Variants in CARMIL3 observed in about 807,000 individuals in gnomAD.
CARMIL3 encodes the protein capping protein, Arp2/3 and myosin-I linker protein 3.
Under a neutral mutation model 180.8 loss-of-function variants are expected in CARMIL3, and 88 were observed. The ratio of observed to expected loss-of-function variants is 0.49; its 90% CI spans 0.41 to 0.58. The LOEUF is 0.58. Ranked by LOEUF, CARMIL3 falls within the 20% of genes least tolerant of loss-of-function variation. The probability of loss-of-function intolerance (pLI) is 0.00; values close to 1 mark genes in which losing one functional copy is unlikely to be tolerated. For missense variants in CARMIL3, 1,548 were observed against 1,787.0 expected (o/e 0.87, Z 2.41); for synonymous variants, 696 against 714.5 (o/e 0.97, Z 0.41).
rs1375633918 is a variant in CARMIL3 at position 24,056,664 on chromosome 14, G to A, written c.908G>A (p.Gly303Asp). The A allele has an allele frequency of 1.9e-6, 3 of 1,613,576 alleles. No individual in the cohort carries two copies. The highest frequency in any genetic ancestry group is 2.2e-5 in the East Asian group (1 of 44,894). Residue 303 changes from glycine to aspartate, a missense_variant, in exon 12 of 40, where the codon GGC becomes GAC. This residue lies in a region of CARMIL3 where 578 missense variants were observed against 666.5 expected (regional missense o/e 0.87). Transcript: ENST00000342740. ...LSQQLLCFPS[G>D]LTKLCLAKTA... ...CAGCAGCTCCTCTGCTTCCCCTCTG[G>A]CCTCACCAAACTGTGCCTGGCCAAG...
intron 38 of CARMIL3, 76 bp from the exon 39 acceptor site, chr14:24,069,061 C>T: frequency 1.3e-6 from 2 of 1,595,534 alleles, no homozygotes; most frequent in Non-Finnish European, 1.7e-6. Context: ...GAGTGACAAC[C>T]AGGAGTCACA....
In CARMIL3 at chr14:24,054,616, C is replaced by T; in HGVS notation, c.363-95C>T. On this transcript the variant is annotated intron_variant, in intron 5 of 39. Transcript: ENST00000342740. The surrounding 1 kb of genome is among the most constrained non-coding windows in gnomAD (Gnocchi z 5.1). Reference sequence around the variant, plus strand: ...CTGAGAAGGAGAGCTCTCATGTCCCCACTCCTGGTTTTTCCTGGGATGCAG... The same window carrying T: ...CTGAGAAGGAGAGCTCTCATGTCCCTACTCCTGGTTTTTCCTGGGATGCAG... 1.3e-6 allele frequency: 2 copies of T among 1,494,958 alleles called. No homozygotes were observed. The highest frequency in any genetic ancestry group is 1.8e-6 in the Non-Finnish European group (2 of 1,090,564). 92.6% of individuals were successfully genotyped at this position (1,494,958 alleles called of 1,614,324 possible).
chr14:24,057,660 T>G, intron 14 of CARMIL3, 143 bp from the exon 15 acceptor site: 1 of 691,784 alleles, frequency 1.4e-6, no homozygotes, highest in Non-Finnish European at 2.5e-6. Flanking sequence ...AGAATCTGAG[T>G]GGGCATCTCC....
At chr14:24,062,439 T>C in intron 27 of CARMIL3, 41 bp from the exon 28 acceptor site, 1 of 1,560,686 alleles carries the variant, frequency 6.4e-7, no homozygotes, top group South Asian at 1.1e-5. Context: ...TGCGGGGGAC[T>C]GAGGTGCTAA....
chr14:24,062,279 CTG>C, intron 27 of CARMIL3, 199 bp from the exon 28 acceptor site: 1 of 608,922 alleles, frequency 1.6e-6, no homozygotes. Context: ...GCTGGGGGCT[CTG>C]GGGTGGGACT....
chr14:24,056,815 G>A, intron 12 of CARMIL3, 100 bp from the exon 13 acceptor site: 2 of 1,515,590 alleles, frequency 1.3e-6, no homozygotes, highest in African/African-American at 1.4e-5. Context: ...AGGGATGGAA[G>A]AGTGAAAAGG....
intron 32 of CARMIL3, 90 bp from the exon 33 acceptor site, chr14:24,064,868 G>A: frequency 7.4e-7 from 1 of 1,342,922 alleles, no homozygotes; most frequent in African/African-American, 1.5e-5. Context: ...GTGCAGCAGG[G>A]GAGACCAGAT....
Position 24,069,568 on chromosome 14 carries a change from G to GCCTCCGTCTCT in CARMIL3, c.*166_*167insTCCGTCTCTCC. The GCCTCCGTCTCT allele has an allele frequency of 2.5e-6, 2 of 806,114 alleles. No individual in the cohort carries two copies. The highest frequency in any genetic ancestry group is 3.9e-6 in the Non-Finnish European group (2 of 517,878). 49.9% of individuals were successfully genotyped at this position (806,114 alleles called of 1,614,324 possible). ...GGAGGCAGGGACTAGAACAGAGGGA[G>GCCTCCGTCTCT]CCACCTGGAGAGACGGAGGCTGTCA... On this transcript the variant is annotated 3_prime_UTR_variant, in exon 40 of 40. Transcript: ENST00000342740.
In CARMIL3 at chr14:24,065,517, G is replaced by C. The variant is rs563770306; in HGVS notation, c.3397-105G>C. 2.7e-6 allele frequency: 4 copies of C among 1,483,316 alleles called. No individual in the cohort carries two copies. In the African/African-American group the frequency reaches 5.6e-5, roughly 21 times the overall value. The allele number at this position is 1,483,316 out of a possible 1,614,324, so 91.9% of individuals were successfully genotyped here. ...CAGAGGGTCTCTGCAGGGCTTCCCC[G>C]TGGCTAGGGACTCAGTGAGGCAGGG... is the stretch of plus-strand genomic sequence containing the variant. On this transcript the variant is annotated intron_variant, in intron 33 of 39. Transcript: ENST00000342740.
rs12884350 is a variant in CARMIL3 at position 24,058,008 on chromosome 14, C to T, written c.1266C>T (p.Ala422=). Residue 422 remains alanine (A), a synonymous_variant, in exon 16 of 40, where the codon GCC becomes GCT. Transcript: ENST00000342740. This position sits in a 1 kb window ranked among gnomAD's most constrained non-coding sequence, Gnocchi z 6.4. ...CCTTCAAGCAGTTCTTCAGCAGCGC[C>T]TACACACTGAGCCACGTCAATCTGT... The part of the protein sequence containing the change: ...PPAFKQFFSS[A]YTLSHVNLSA... 10 of 1,613,856 alleles carry T rather than the reference C, an allele frequency of 6.2e-6. No homozygotes were observed. The highest frequency in any genetic ancestry group is 8.5e-6 in the Non-Finnish European group (10 of 1,180,010).
chr14:24,058,235 A>G lies in CARMIL3; in HGVS notation c.1392+11A>G. On this transcript the variant is annotated intron_variant, in intron 17 of 39. Coordinates refer to ENST00000342740, the MANE Select transcript of CARMIL3 (RefSeq NM_138360.4). This position sits in a 1 kb window ranked among gnomAD's most constrained non-coding sequence, Gnocchi z 6.4. Reference sequence around the variant, plus strand: ...CTCAGCAGCTGCGAGGTGAGCCCTCAGTCCCCAACCCCTCTGCCCGCCTCC... The same window carrying G: ...CTCAGCAGCTGCGAGGTGAGCCCTCGGTCCCCAACCCCTCTGCCCGCCTCC... 1 of 1,612,220 alleles carries G rather than the reference A, an allele frequency of 6.2e-7. No individual in the cohort carries two copies. Among genetic ancestry groups the G allele is most frequent in the South Asian group, 1.1e-5 (1 of 90,714 alleles).
In CARMIL3 at chr14:24,068,810, T is replaced by C. The variant is rs917082484; in HGVS notation, c.3826T>C (p.Trp1276Arg). The C allele has an allele frequency of 6.2e-7, 1 of 1,613,826 alleles. No individual in the cohort carries two copies. Among genetic ancestry groups the C allele is most frequent in the Non-Finnish European group, 8.5e-7 (1 of 1,180,030 alleles). ...GCTACAGGACCCCGCTCTAGCTCCA[T>C]GGCCTCCCAAGCCAGTGGCTGTGCC... is the stretch of plus-strand genomic sequence containing the variant. Reference protein sequence around the residue: ...AKLQDPALAPWPPKPVAVPRG... With the variant: ...AKLQDPALAPRPPKPVAVPRG... Residue 1276 changes from tryptophan (W) to arginine (R), a missense_variant, in exon 38 of 40, where the codon TGG becomes CGG. Physicochemically the swap from Trp to Arg is moderately radical, Grantham distance 101. Transcript: ENST00000342740.
chr14:24,057,080 G>A (rs2035679454), intron 13 of CARMIL3, 56 bp downstream of exon 13: 4 of 1,595,244 alleles, frequency 2.5e-6, no homozygotes, highest in East Asian at 4.5e-5. Flanking sequence ...AGCTTCAGGA[G>A]CTGGGAGGCC....
In CARMIL3 at chr14:24,054,553, G is replaced by A; in HGVS notation, c.362+42G>A. 5 of 1,583,632 alleles carry A rather than the reference G, an allele frequency of 3.2e-6. No homozygotes were observed. The highest frequency in any genetic ancestry group is 4.3e-6 in the Non-Finnish European group (5 of 1,155,168). On this transcript the variant is annotated intron_variant, in intron 5 of 39. Transcript: ENST00000342740. This position sits in a 1 kb window ranked among gnomAD's most constrained non-coding sequence, Gnocchi z 5.1. ...GGGTCTCTTAAGGCATTAGATGAGA[G>A]GGAGAGTTCATCCCTTCCTCCTTCC... is the stretch of plus-strand genomic sequence containing the variant.
chr14:24,066,597 C>A lies in CARMIL3; in HGVS notation c.3623C>A (p.Pro1208His). The part of the protein sequence containing the change: ...GPGSWKPPPP[P>H]QSTKPSFSAM... The stretch of plus-strand genomic sequence containing the variant: ...GGATCCTGGAAGCCCCCACCACCGC[C>A]CCAAAGCACCAAACCAAGCTTCAGC... Residue 1208 changes from proline (P) to histidine (H), a missense_variant, in exon 36 of 40, where the codon CCC becomes CAC. Coordinates refer to ENST00000342740, the MANE Select transcript of CARMIL3 (RefSeq NM_138360.4). 2 of 1,614,240 alleles carry A rather than the reference C, an allele frequency of 1.2e-6. No individual in the cohort carries two copies. The highest frequency in any genetic ancestry group is 1.7e-5 in the Admixed American group (1 of 60,032).
Position 24,064,302 on chromosome 14 carries a change from G to T in CARMIL3, c.3036G>T (p.Gly1012=). 1 of 1,613,074 alleles carries T rather than the reference G, an allele frequency of 6.2e-7. No homozygotes were observed. The highest frequency in any genetic ancestry group is 8.5e-7 in the Non-Finnish European group (1 of 1,179,542). Residue 1012 remains glycine (G), a synonymous_variant, in exon 32 of 40, where the codon GGG becomes GGT. Coordinates refer to ENST00000342740, the MANE Select transcript of CARMIL3 (RefSeq NM_138360.4). ...ENGMATRLDE[G]LEDFFSRRVL... ...GGATGGCCACCCGCCTGGATGAAGG[G>T]CTGGAGGACTTCTTCAGCCGAAGGG...
chr14:24,054,631 CTGGGATG>C lies in CARMIL3; in HGVS notation c.363-79_363-73del. 1 of 1,519,312 alleles carries C rather than the reference CTGGGATG, an allele frequency of 6.6e-7. No homozygotes were observed. Among genetic ancestry groups the C allele is most frequent in the Non-Finnish European group, 9.0e-7 (1 of 1,109,322 alleles). The allele number at this position is 1,519,312 out of a possible 1,614,324, so 94.1% of individuals were successfully genotyped here. A position where few individuals can be genotyped will look rare whatever the true frequency, so the allele number is the denominator to read the frequency against. On this transcript the variant is annotated intron_variant, in intron 5 of 39. Transcript: ENST00000342740. This position sits in a 1 kb window ranked among gnomAD's most constrained non-coding sequence, Gnocchi z 5.1. ...CTCATGTCCCCACTCCTGGTTTTTC[CTGGGATG>C]CAGGAGCTATAACGTGGGAAGAACT...
chr14:24,065,694 G>A lies in CARMIL3; in HGVS notation c.3469G>A (p.Val1157Ile). ...GTAQQPRVHG[V>I]ALPGLERAKG... ...AGCACAGCAGCCAAGGGTTCACGGT[G>A]TTGCCCTTCCCGGGTTGGAAAGAGC... The change falls in exon 34 of 40, where the codon GTT (valine) becomes ATT (isoleucine). Residue 1157 changes from valine to isoleucine, a missense_variant. Physicochemically the swap from Val to Ile is conservative, Grantham distance 29. Transcript: ENST00000342740. 9 of 1,614,104 alleles carry A rather than the reference G, an allele frequency of 5.6e-6. No individual in the cohort carries two copies. The highest frequency in any genetic ancestry group is 7.6e-6 in the Non-Finnish European group (9 of 1,179,972).
intron 24 of CARMIL3, 149 bp from the exon 25 acceptor site, chr14:24,060,479 C>A: frequency 7.8e-7 from 1 of 1,284,130 alleles, no homozygotes; most frequent in Non-Finnish European, 1.1e-6. Context: ...GCTGGGCATT[C>A]AAGAAGGCTG....
Sources: allele counts gnomAD v4.1 joint callset, GRCh38; gene constraint gnomAD v4.1.1; regional missense constraint gnomAD v4.1.1; non-coding constraint Gnocchi (gnomAD v3.1); transcripts MANE v1.5; gene names NCBI Gene and HGNC (gene_info 2026-07-23, HGNC 2026-07-21).